SH2D3A: variants seen among roughly 807,000 people sequenced by gnomAD.
SH2D3A encodes SH2 domain containing 3A.
SH2D3A carries 46 observed loss-of-function variants against 50.6 expected under a neutral mutation model. The observed-to-expected ratio is 0.91, with a 90% CI of 0.72 to 1.16. The LOEUF (loss-of-function observed/expected upper bound fraction) is 1.16, where lower values mean the gene tolerates loss of function less well. Among genes scored for constraint, SH2D3A ranks in the 50% most tolerant of loss-of-function variants. The pLI is 0.00. For missense variants in SH2D3A, 783 were observed against 786.2 expected (o/e 1.00, Z 0.05); for synonymous variants, 377 against 348.4 (o/e 1.08, Z -0.91).
rs375700170 is a variant in SH2D3A at position 6,760,849 on chromosome 19, G to A, written c.208C>T (p.Arg70Trp). 88 of 1,614,130 alleles carry A rather than the reference G, an allele frequency of 5.5e-5. No homozygotes were observed. The highest frequency in any genetic ancestry group is 6.9e-5 in the Non-Finnish European group (81 of 1,180,042). Residue 70 changes from arginine (R) to tryptophan (W), a missense_variant, in exon 3 of 10, where the codon CGG becomes TGG. By Grantham distance (101) the Arg-to-Trp change is moderately radical. Transcript: ENST00000245908. ...AAGAGGGCTGTGGGTCGGCCTGGCCGGGGACGCAGGGCCACACGGAACACC... is the reference window on the plus strand; with the variant it reads ...AAGAGGGCTGTGGGTCGGCCTGGCCAGGGACGCAGGGCCACACGGAACACC... ...FEVFRVALRP[R>W]PGRPTALFQL...
Position 6,760,714 on chromosome 19 carries a change from T to TCACAGGCCTGGAGAC in SH2D3A, c.328_342dup (p.Val110_Val114dup), listed in dbSNP as rs747824684. 156 of 1,613,832 alleles carry TCACAGGCCTGGAGAC rather than the reference T, an allele frequency of 9.7e-5. No homozygotes were observed. Among genetic ancestry groups the TCACAGGCCTGGAGAC allele is most frequent in the Non-Finnish European group, 1.2e-4 (147 of 1,179,834 alleles). ...CTGCGTCGCAGAGGCCCCTGCCAAG[T>TCACAGGCCTGGAGAC]CACAGGCCTGGAGACCACAGCCCCT... On this transcript the variant is annotated inframe_insertion, in exon 3 of 10. Transcript: ENST00000245908.
In SH2D3A at chr19:6,754,340, G is replaced by C; in HGVS notation, c.1183C>G (p.Leu395Val). Residue 395 changes from leucine to valine, a missense_variant, in exon 7 of 10, where the codon CTG (leucine) becomes GTG (valine). Leu to Val is a conservative substitution (Grantham distance 32). Coordinates refer to ENST00000245908, the MANE Select transcript of SH2D3A (RefSeq NM_005490.3). ...LEERAAALRG[L>V]VELALALRPG... ...CGCAGCGCCAGCGCCAGCTCTACCAGTCCCCTCAGTGCGGCTGCGCGCTCC... is the reference window on the plus strand; with the variant it reads ...CGCAGCGCCAGCGCCAGCTCTACCACTCCCCTCAGTGCGGCTGCGCGCTCC... 6.3e-7 allele frequency: 1 copy of C among 1,575,666 alleles called. No homozygotes were observed. The highest frequency in any genetic ancestry group is 1.1e-5 in the South Asian group (1 of 88,598).
chr19:6,756,430 CTTTTCTTTT>C (rs1021622967), intron 4 of SH2D3A, among the ~76,000 whole-genome samples: 4 of 151,438 alleles, frequency 2.6e-5, no homozygotes, highest in Admixed American at 2.0e-4. Flanking sequence ...ATTAAACTTT[CTTTTCTTTT>C]TTTTCTTTTT....
rs1162795634 is a variant in SH2D3A at position 6,754,746 on chromosome 19, G to A, written c.982-15C>T. The A allele has an allele frequency of 6.2e-7, 1 of 1,613,768 alleles. No individual in the cohort carries two copies. The highest frequency in any genetic ancestry group is 8.5e-7 in the Non-Finnish European group (1 of 1,179,770). On this transcript the variant is annotated splice_polypyrimidine_tract_variant and intron_variant, in intron 5 of 9. Coordinates refer to ENST00000245908, the MANE Select transcript of SH2D3A (RefSeq NM_005490.3). ...AGGCCTGTGGCCTGCAGAAGGGAAT[G>A]GGGAAGTCAGGTGAAGCGTGATTAT...
rs777157553 is a variant in SH2D3A at position 6,752,634 on chromosome 19, C to G, written c.1690G>C (p.Val564Leu). 40 of 1,556,996 alleles carry G rather than the reference C, an allele frequency of 2.6e-5. No homozygotes were observed. The highest frequency in any genetic ancestry group is 3.0e-5 in the Non-Finnish European group (35 of 1,149,654). The change falls in exon 10 of 10, where the codon GTC becomes CTC. Residue 564 changes from valine (V) to leucine (L), a missense_variant. Physicochemically the swap from Val to Leu is conservative, Grantham distance 32 (BLOSUM62 1). Transcript: ENST00000245908. Reference protein sequence around the residue: ...RAERFEKFQRVLGVLSQRLEP... With the variant: ...RAERFEKFQRLLGVLSQRLEP... Reference sequence around the variant, plus strand: ...AGGCGCTGCGACAGGACGCCGAGGACGCGCTGGAACTTCTCAAAGCGTTCA... The same window carrying G: ...AGGCGCTGCGACAGGACGCCGAGGAGGCGCTGGAACTTCTCAAAGCGTTCA...
chr19:6,755,048 G>A lies in SH2D3A; in HGVS notation c.764C>T (p.Ala255Val). 6.2e-7 allele frequency: 1 copy of A among 1,614,038 alleles called. No homozygotes were observed. The highest frequency in any genetic ancestry group is 8.5e-7 in the Non-Finnish European group (1 of 1,180,022). Reference protein sequence around the residue: ...SPSQSCPEPEAPWWEAEEDEE... With the variant: ...SPSQSCPEPEVPWWEAEEDEE... ...ATCCTCCTCGGCCTCCCACCATGGG[G>A]CCTCTGGCTCTGGGCAGCTTTGGCT... The change falls in exon 5 of 10, where the codon GCC (alanine) becomes GTC (valine). Residue 255 changes from alanine to valine, a missense_variant. Ala to Val is a moderately conservative substitution (Grantham distance 64). Coordinates refer to ENST00000245908, the MANE Select transcript of SH2D3A (RefSeq NM_005490.3).
At chr19:6,755,489 G>A (rs555633926) in intron 4 of SH2D3A, among the ~76,000 whole-genome samples, 174 bp from the exon 5 acceptor site, 6 of 152,150 alleles carry the variant, frequency 3.9e-5, no homozygotes, top group African/African-American at 1.4e-4. Flanking sequence ...CGGTAGAAAT[G>A]CTACATGCTT....
At chr19:6,759,962 G>C (rs1037665820) in intron 3 of SH2D3A, among the ~76,000 whole-genome samples, 2 of 152,188 alleles carry the variant, frequency 1.3e-5, no homozygotes. Flanking sequence ...AACCAAGGCC[G>C]GGTGCGGTGG....
In SH2D3A at chr19:6,760,021, G is replaced by A. The variant is rs766978829; in HGVS notation, c.420-351C>T. On this transcript the variant is annotated intron_variant, in intron 3 of 9. Coordinates refer to ENST00000245908, the MANE Select transcript of SH2D3A (RefSeq NM_005490.3). ...ATGGGAGGCTGAGGCGGGCGGTCAC[G>A]TGAGGTCAAAAGTTCAAGACCAGCC... is the stretch of plus-strand genomic sequence containing the variant. Among the ~76,000 whole-genome samples the A allele has an allele frequency of 2.0e-5, 3 of 151,472 alleles. No homozygotes were observed. The South Asian group carries it at 6.3e-4, about 32-fold the overall frequency.
chr19:6,753,580 C>T lies in SH2D3A; in HGVS notation c.1446G>A (p.Glu482=). The T allele has an allele frequency of 6.3e-7, 1 of 1,587,606 alleles. No individual in the cohort carries two copies. The highest frequency in any genetic ancestry group is 8.6e-7 in the Non-Finnish European group (1 of 1,168,016). Residue 482 remains glutamate (E), a synonymous_variant, in exon 9 of 10, where the codon GAG becomes GAA. Coordinates refer to ENST00000245908, the MANE Select transcript of SH2D3A (RefSeq NM_005490.3). The part of the protein sequence containing the change: ...PHVAPMVRLL[E]GEEVAGPLDE... ...CCAGCGGCCCCGCGACTTCCTCGCCCTCCAGTAGGCGAACCATGGGTGCCA... is the reference window on the plus strand; with the variant it reads ...CCAGCGGCCCCGCGACTTCCTCGCCTTCCAGTAGGCGAACCATGGGTGCCA...
chr19:6,753,550 C>G lies in SH2D3A; in HGVS notation c.1476G>C (p.Glu492Asp). 1 of 1,571,978 alleles carries G rather than the reference C, an allele frequency of 6.4e-7. No individual in the cohort carries two copies. The highest frequency in any genetic ancestry group is 2.4e-5 in the East Asian group (1 of 42,494). The change falls in exon 9 of 10, where the codon GAG becomes GAC. Residue 492 changes from glutamate (E) to aspartate (D), a missense_variant. Glu to Asp is a conservative substitution (Grantham distance 45). Transcript: ENST00000245908. ...GGGTGCGCAACAGCCGCTCACAGCT[C>G]TCGTCCAGCGGCCCCGCGACTTCCT... ...EGEEVAGPLDESCERLLRTLH... is the reference protein window; with the variant it reads ...EGEEVAGPLDDSCERLLRTLH...
chr19:6,764,900 T>G (rs1230580972), intron 1 of SH2D3A, among the ~76,000 whole-genome samples: 2 of 133,058 alleles, frequency 1.5e-5, no homozygotes, highest in Admixed American at 7.6e-5. Flanking sequence ...TTTTTTGAGA[T>G]CAAGTCTCAC....
At position 6,754,729 on chromosome 19, in the gene SH2D3A, G is replaced by C; in HGVS notation, c.984C>G (p.Ala328=). ...CTCTGGTCACTCCCAGGAGGCCTGT[G>C]GCCTGCAGAAGGGAATGGGGAAGTC... ...ALHLLLVDCQ[A]TGLLGVTRDQ... Residue 328 remains alanine (A), a splice_region_variant and synonymous_variant, in exon 6 of 10, where the codon GCC becomes GCG. Transcript: ENST00000245908. The C allele has an allele frequency of 4.3e-6, 7 of 1,613,896 alleles. No homozygotes were observed. Among genetic ancestry groups the C allele is most frequent in the African/African-American group, 1.3e-5 (1 of 75,042 alleles).
chr19:6,760,186 C>A (rs922168204), intron 3 of SH2D3A, among the ~76,000 whole-genome samples: 3 of 151,902 alleles, frequency 2.0e-5, no homozygotes, highest in Admixed American at 6.6e-5. Flanking sequence ...ACCAGCCTGG[C>A]CAACATGGTG....
rs992257858 is a variant in SH2D3A at position 6,760,644 on chromosome 19, G to A, written c.413C>T (p.Pro138Leu). 1.9e-6 allele frequency: 3 copies of A among 1,569,720 alleles called. No individual in the cohort carries two copies. Among genetic ancestry groups the A allele is most frequent in the African/African-American group, 2.7e-5 (2 of 73,786 alleles). Residue 138 changes from proline to leucine, a missense_variant, in exon 3 of 10, where the codon CCT becomes CTT. By Grantham distance (98) the Pro-to-Leu change is moderately conservative (BLOSUM62 -3). Transcript: ENST00000245908. ...GCAGGGAGACTGTGAGTACCTGAGA[G>A]GCTCTATCCGAGCTGGGCCATCCAT... is the stretch of plus-strand genomic sequence containing the variant. ...TLMDGPARIE[P>L]LRARKWSNSQ...
chr19:6,763,539 C>T (rs951157599), intron 2 of SH2D3A, 141 bp downstream of exon 2: 4 of 616,166 alleles, frequency 6.5e-6, no homozygotes, highest in Non-Finnish European at 1.1e-5. Context: ...GCCAGCCAAC[C>T]TTCAAGACAG....
intron 2 of SH2D3A, among the ~76,000 whole-genome samples, chr19:6,761,490 G>C (rs1568269148): frequency 6.6e-6 from 1 of 152,218 alleles, no homozygotes; most frequent in Non-Finnish European, 1.5e-5. Flanking sequence ...ACAGCCACTA[G>C]CTGATGCTGA....
rs538989393 is a variant in SH2D3A at position 6,754,134 on chromosome 19, C to T, written c.1302G>A (p.Gln434=). ...CAGCCTCCGTGTGGCTCCTTCGGAG[C>T]TGGCGCCACGTGTGCTCCAACCGGG... ...QVSRLEHTWR[Q]LRRSHTEAAL... Residue 434 remains glutamine, a synonymous_variant, in exon 8 of 10, where the codon CAG becomes CAA. Coordinates refer to ENST00000245908, the MANE Select transcript of SH2D3A (RefSeq NM_005490.3). 3.7e-6 allele frequency: 6 copies of T among 1,613,416 alleles called. No individual in the cohort carries two copies. In the African/African-American group the frequency reaches 8.0e-5, roughly 22 times the overall value.
intron 2 of SH2D3A, among the ~76,000 whole-genome samples, chr19:6,761,358 A>G (rs919328370): frequency 1.3e-5 from 2 of 152,210 alleles, no homozygotes; most frequent in African/African-American, 2.4e-5. Context: ...TGACAGAGCT[A>G]CAAGATGCAC....
Sources: allele counts gnomAD v4.1 joint callset (sites outside exome capture counted in the v4.1 genomes callset), GRCh38; gene constraint gnomAD v4.1.1; transcripts MANE v1.5; gene names NCBI Gene and HGNC (gene_info 2026-07-23, HGNC 2026-07-21).